Variants in CEP85L observed in about 807,000 individuals in gnomAD.
CEP85L encodes centrosomal protein of 85 kDa-like.
Under a neutral mutation model 100.3 loss-of-function variants are expected in CEP85L, and 60 were observed. That is an observed-to-expected ratio of 0.60 (90% CI 0.49 to 0.74). The LOEUF is 0.74. Ranked by LOEUF, CEP85L falls within the 30% of genes least tolerant of loss-of-function variation. CEP85L has a pLI of 0.00. For missense variants in CEP85L, 973 were observed against 936.2 expected (o/e 1.04, Z -0.51); for synonymous variants, 319 against 322.7 (o/e 0.99, Z 0.12).
chr6:118,491,804 T>G lies in CEP85L; in HGVS notation c.1319A>C (p.Gln440Pro). The G allele has an allele frequency of 6.2e-7, 1 of 1,613,032 alleles. No individual in the cohort carries two copies. Among genetic ancestry groups the G allele is most frequent in the African/African-American group, 1.3e-5 (1 of 74,982 alleles). Residue 440 changes from glutamine to proline, a missense_variant, in exon 6 of 13, where the codon CAA becomes CCA. Gln to Pro is a moderately conservative substitution (Grantham distance 76, BLOSUM62 -1). Around this residue, in one of 3 missense-constraint regions of CEP85L, gnomAD observed 890 missense variants for 844.5 expected, o/e 1.05. Transcript: ENST00000368491. ...PFSEESVSHS[Q>P]QGEFEQKLAS... The stretch of plus-strand genomic sequence containing the variant: ...AAGCTTTTGCTCAAATTCCCCTTGT[T>G]GGGAATGGGAAACTGATTCCTCTGA...
chr6:118,598,730 A>G (rs905642889), intron 2 of CEP85L, among the ~76,000 whole-genome samples: 2 of 152,218 alleles, frequency 1.3e-5, no homozygotes, highest in Non-Finnish European at 2.9e-5. Flanking sequence ...AACTGTGAGA[A>G]AAAATATTTT....
chr6:118,534,918 G>C (rs1013255714), intron 3 of CEP85L, among the ~76,000 whole-genome samples: 1 of 152,118 alleles, frequency 6.6e-6, no homozygotes, highest in African/African-American at 2.4e-5. Context: ...TACTTGGGAC[G>C]CTGAGGCACA....
At chr6:118,702,249 G>A (rs113010289) in intron 1 of CEP85L, among the ~76,000 whole-genome samples, 1,681 of 152,056 alleles carry the variant, frequency 0.011, 37 homozygotes, top group African/African-American at 0.039. Flanking sequence ...AGTGGCTCAC[G>A]CCTATAATCC....
At chr6:118,502,270 A>C in intron 5 of CEP85L, 1 of 561,102 alleles carries the variant, frequency 1.8e-6, no homozygotes, top group South Asian at 2.0e-5. Context: ...CAGCAAGGAT[A>C]ATTCAGATTT....
At chr6:118,523,660 A>G in intron 4 of CEP85L, 142 bp downstream of exon 4, 1 of 467,026 alleles carries the variant, frequency 2.1e-6, no homozygotes, top group Non-Finnish European at 3.7e-6. Flanking sequence ...AAGGATTGGG[A>G]TTGAGGAGGG....
At chr6:118,493,203 G>GCATT (rs1562196127) in intron 5 of CEP85L, among the ~76,000 whole-genome samples, 1 of 152,116 alleles carries the variant, frequency 6.6e-6, no homozygotes, top group Admixed American at 6.5e-5. Flanking sequence ...AAAGGAACAG[G>GCATT]CATTCTAGAA....
chr6:118,600,801 T>TA (rs35378654), intron 2 of CEP85L, among the ~76,000 whole-genome samples: 4,801 of 146,892 alleles, frequency 0.033, 222 homozygotes, highest in African/African-American at 0.1. Flanking sequence ...TTGTCTTTTT[T>TA]AAAAAAAAAA....
intron 3 of CEP85L, among the ~76,000 whole-genome samples, chr6:118,546,457 A>G (rs1778208987): frequency 6.6e-6 from 1 of 152,124 alleles, no homozygotes; most frequent in Admixed American, 6.6e-5. Flanking sequence ...ACAATGATCT[A>G]TCACCTAAAT....
intron 2 of CEP85L, among the ~76,000 whole-genome samples, chr6:118,577,507 A>G (rs1450273530): frequency 6.6e-6 from 1 of 152,216 alleles, no homozygotes; most frequent in Non-Finnish European, 1.5e-5. Context: ...GCAGGATTTG[A>G]ATCTGTATTG....
intron 1 of CEP85L, among the ~76,000 whole-genome samples, chr6:118,648,335 T>C (rs995909147): frequency 2.3e-4 from 35 of 152,242 alleles, no homozygotes; most frequent in Admixed American, 2.3e-3. Flanking sequence ...AAAAGCCAAA[T>C]TAAACTGAAT....
intron 1 of CEP85L, among the ~76,000 whole-genome samples, chr6:118,701,255 C>A (rs1562366428): frequency 6.6e-6 from 1 of 152,302 alleles, no homozygotes; most frequent in East Asian, 1.9e-4. Context: ...AGCTACTATT[C>A]GACCTAGTAA....
At chr6:118,636,521 T>C (rs1774502000) in intron 1 of CEP85L, among the ~76,000 whole-genome samples, 1 of 152,248 alleles carries the variant, frequency 6.6e-6, no homozygotes, top group African/African-American at 2.4e-5. Flanking sequence ...GACTGGACCA[T>C]GGGGTGCCCA....
chr6:118,599,369 A>T (rs1186456898), intron 2 of CEP85L, among the ~76,000 whole-genome samples: 1 of 152,262 alleles, frequency 6.6e-6, no homozygotes, highest in Non-Finnish European at 1.5e-5. Context: ...AAATTTGAAC[A>T]ACAAAATATT....
intron 2 of CEP85L, among the ~76,000 whole-genome samples, chr6:118,616,886 A>T (rs1437890735): frequency 1.3e-5 from 2 of 151,628 alleles, no homozygotes; most frequent in Non-Finnish European, 2.9e-5. Flanking sequence ...CGGAGCTTGC[A>T]GTGAACCATG....
At chr6:118,626,253 C>T (rs1186869902) in intron 2 of CEP85L, among the ~76,000 whole-genome samples, 1 of 152,130 alleles carries the variant, frequency 6.6e-6, no homozygotes, top group African/African-American at 2.4e-5. Context: ...CCAGGATTTG[C>T]TTATATGTTT....
intron 1 of CEP85L, among the ~76,000 whole-genome samples, chr6:118,677,926 T>A (rs1229205632): frequency 6.6e-6 from 1 of 152,220 alleles, no homozygotes; most frequent in Non-Finnish European, 1.5e-5. Flanking sequence ...CATAACATCC[T>A]CTTCAATAAT....
chr6:118,536,751 C>T (rs763970090), intron 3 of CEP85L, among the ~76,000 whole-genome samples: 1 of 152,116 alleles, frequency 6.6e-6, no homozygotes, highest in African/African-American at 2.4e-5. Flanking sequence ...TTGATAACAA[C>T]CTACAAGCTG....
intron 3 of CEP85L, among the ~76,000 whole-genome samples, chr6:118,529,172 A>G (rs1433544931): frequency 6.6e-6 from 1 of 152,222 alleles, no homozygotes; most frequent in Non-Finnish European, 1.5e-5. Flanking sequence ...AATCTTACAG[A>G]GAAGTTATTC....
Position 118,470,584 on chromosome 6 carries a change from C to T in CEP85L, c.1975G>A (p.Glu659Lys). The T allele has an allele frequency of 6.2e-7, 1 of 1,607,136 alleles. No homozygotes were observed. The highest frequency in any genetic ancestry group is 8.5e-7 in the Non-Finnish European group (1 of 1,176,622). ...CTCTGTACATTTCTTTCTTTCTTTT[C>T]CAGCTCTTCCATCATCTTTTGAGTG... ...LTTQKMMEEL[E>K]KKERNVQRLT... The change falls in exon 11 of 13, where the codon GAA becomes AAA. Residue 659 changes from glutamate to lysine, a missense_variant. By Grantham distance (56) the Glu-to-Lys change is moderately conservative (BLOSUM62 1). This residue lies in a region of CEP85L where 890 missense variants were observed against 844.5 expected (regional missense o/e 1.05). Transcript: ENST00000368491.
Sources: gnomAD v4.1 joint callset for allele counts (sites outside exome capture counted in the v4.1 genomes callset) on GRCh38, gnomAD v4.1.1 for gene constraint, gnomAD v4.1.1 regional missense constraint, MANE v1.5 for transcripts, NCBI Gene and HGNC (gene_info 2026-07-23, HGNC 2026-07-21) for gene names.